FAM227B: variants seen among roughly 807,000 people sequenced by gnomAD.
The protein encoded by FAM227B is family with sequence similarity 227 member B.
FAM227B carries 88 observed loss-of-function variants against 73.8 expected under a neutral mutation model. That is an observed-to-expected ratio of 1.19 (90% confidence interval 1.00 to 1.42). The LOEUF (loss-of-function observed/expected upper bound fraction) is 1.42, where lower values mean the gene tolerates loss of function less well. Ranked by LOEUF, FAM227B falls within the 40% of genes most tolerant of loss-of-function variation. FAM227B has a pLI of 0.00. For synonymous variants in FAM227B, 210 were observed against 190.5 expected, an observed-to-expected ratio of 1.10 and a Z score of -0.84; for missense variants, 632 against 590.9, an observed-to-expected ratio of 1.07 and a Z score of -0.72.
intron 13 of FAM227B, among the ~76,000 whole-genome samples, chr15:49,353,296 A>T (rs1467615774): frequency 1.3e-5 from 2 of 152,086 alleles, no homozygotes; most frequent in African/African-American, 4.8e-5. Flanking sequence ...CTTCAGTGCA[A>T]TCAAGGGTTT....
In FAM227B at chr15:49,536,728, G is replaced by A. The variant is rs137919123; in HGVS notation, c.874+4952C>T. 1.7e-3 allele frequency among the ~76,000 whole-genome samples: 264 copies of A among 151,932 alleles called. 5 individuals carry two copies. In the East Asian group the frequency reaches 0.028, roughly 16 times the overall value. ...TTGGCATGAACACCGACATAAAGATGAGGTATAGAATACAGGGCCCAGAAA... is the reference window on the plus strand; with the variant it reads ...TTGGCATGAACACCGACATAAAGATAAGGTATAGAATACAGGGCCCAGAAA... On this transcript the variant is annotated intron_variant, in intron 10 of 15. Transcript: ENST00000299338.
intron 11 of FAM227B, among the ~76,000 whole-genome samples, chr15:49,452,113 C>G (rs2151889883): frequency 6.6e-6 from 1 of 152,016 alleles, no homozygotes; most frequent in Non-Finnish European, 1.5e-5. Flanking sequence ...ATGGTCTTGG[C>G]TCACTGCAGC....
At chr15:49,399,618 A>G (rs1329358388) in intron 11 of FAM227B, among the ~76,000 whole-genome samples, 2 of 151,180 alleles carry the variant, frequency 1.3e-5, no homozygotes, top group Non-Finnish European at 3.0e-5. Context: ...CTGGCAAAAC[A>G]AATCCAGCAG....
intron 11 of FAM227B, among the ~76,000 whole-genome samples, chr15:49,430,320 G>T (rs1384154609): frequency 6.6e-6 from 1 of 151,788 alleles, no homozygotes; most frequent in Non-Finnish European, 1.5e-5. Flanking sequence ...TGAAGTACAG[G>T]CCTCAATGTC....
chr15:49,543,445 C>G (rs1389536184), intron 9 of FAM227B, among the ~76,000 whole-genome samples: 1 of 152,002 alleles, frequency 6.6e-6, no homozygotes, highest in Non-Finnish European at 1.5e-5. Flanking sequence ...ATGTTTGCAC[C>G]GACTCAGGAG....
At chr15:49,551,804 T>C (rs1035846256) in intron 9 of FAM227B, among the ~76,000 whole-genome samples, 3 of 152,216 alleles carry the variant, frequency 2.0e-5, no homozygotes, top group Admixed American at 1.3e-4. Context: ...CAAACACTAT[T>C]TTAAAACCCA....
chr15:49,340,450 C>T (rs1359557438), intron 13 of FAM227B, among the ~76,000 whole-genome samples: 1 of 141,480 alleles, frequency 7.1e-6, no homozygotes, highest in African/African-American at 2.6e-5. Context: ...TTGGGCTGCA[C>T]CCACTGTCCA....
At chr15:49,351,853 T>C (rs781621670) in intron 13 of FAM227B, among the ~76,000 whole-genome samples, 1 of 152,200 alleles carries the variant, frequency 6.6e-6, no homozygotes, top group Non-Finnish European at 1.5e-5. Flanking sequence ...TCAGTGGATG[T>C]GGGCTAGCTT....
At chr15:49,495,927 G>A (rs2057560797) in intron 11 of FAM227B, among the ~76,000 whole-genome samples, 1 of 152,096 alleles carries the variant, frequency 6.6e-6, no homozygotes, top group South Asian at 2.1e-4. Flanking sequence ...GGAGACTGAG[G>A]CAGAAGAACT....
intron 10 of FAM227B, among the ~76,000 whole-genome samples, chr15:49,540,901 T>TG (rs2070977836): frequency 6.6e-6 from 1 of 152,102 alleles, no homozygotes; most frequent in Non-Finnish European, 1.5e-5. Context: ...TATTCATAGG[T>TG]GGTTTCTCAG....
chr15:49,424,659 A>C, intron 11 of FAM227B: 13 of 1,184,750 alleles, frequency 1.1e-5, no homozygotes, highest in Non-Finnish European at 1.4e-5. Context: ...ATGTTTTCTC[A>C]TCTTCCTTTT....
intron 5 of FAM227B, among the ~76,000 whole-genome samples, chr15:49,581,474 G>A (rs973591535): frequency 7.9e-5 from 12 of 151,896 alleles, no homozygotes; most frequent in African/African-American, 2.2e-4. Flanking sequence ...ATGCACCACT[G>A]CGCCTGGCTA....
At chr15:49,607,558 A>T (rs1308475773) in intron 3 of FAM227B, among the ~76,000 whole-genome samples, 2 of 152,212 alleles carry the variant, frequency 1.3e-5, no homozygotes, top group African/African-American at 2.4e-5. Context: ...AAAAGATGTT[A>T]TAATATGTAC....
At chr15:49,569,162 T>C (rs1050767735) in intron 8 of FAM227B, among the ~76,000 whole-genome samples, 1 of 151,928 alleles carries the variant, frequency 6.6e-6, no homozygotes. Context: ...TTTGTTGGCA[T>C]ATATTCATTT....
chr15:49,437,928 A>C (rs2051261187), intron 11 of FAM227B, among the ~76,000 whole-genome samples: 1 of 151,664 alleles, frequency 6.6e-6, no homozygotes, highest in Non-Finnish European at 1.5e-5. Context: ...AATACTCTCA[A>C]AAAACATATT....
chr15:49,532,346 C>G (rs992982134), intron 10 of FAM227B, among the ~76,000 whole-genome samples: 1 of 151,736 alleles, frequency 6.6e-6, no homozygotes, highest in South Asian at 2.1e-4. Context: ...AAACTCATAG[C>G]CTTGATTCTT....
At chr15:49,589,093 GA>G (rs943939310) in intron 4 of FAM227B, among the ~76,000 whole-genome samples, 7 of 151,966 alleles carry the variant, frequency 4.6e-5, no homozygotes, top group Non-Finnish European at 1.0e-4. Flanking sequence ...AATTAGATAA[GA>G]AAAATGTTAT....
chr15:49,571,766 G>T (rs2075123102), intron 8 of FAM227B, among the ~76,000 whole-genome samples: 1 of 151,878 alleles, frequency 6.6e-6, no homozygotes, highest in South Asian at 2.1e-4. Context: ...AGTATATTTT[G>T]AAGTTAGGTA....
chr15:49,370,173 G>A (rs2045715886), intron 12 of FAM227B, among the ~76,000 whole-genome samples: 1 of 152,164 alleles, frequency 6.6e-6, no homozygotes, highest in Non-Finnish European at 1.5e-5. Context: ...ATGGTATTTT[G>A]TTCTGGCAGT....
Sources: allele counts gnomAD v4.1 joint callset (sites outside exome capture counted in the v4.1 genomes callset), GRCh38; gene constraint gnomAD v4.1.1; transcripts MANE v1.5; gene names NCBI Gene and HGNC (gene_info 2026-07-23, HGNC 2026-07-21).